The following PEX5L variants were observed in gnomAD, a reference collection of about 807,000 sequenced individuals.
PEX5L encodes PEX5-related protein.
In PEX5L, 30 loss-of-function variants were observed where a neutral mutation model predicts 84.0. That is an observed-to-expected ratio of 0.36 (90% CI 0.27 to 0.48). The LOEUF (loss-of-function observed/expected upper bound fraction) is 0.48. Among genes scored for constraint, PEX5L ranks in the 20% least tolerant of loss-of-function variants. PEX5L has a pLI of 0.99. For synonymous variants in PEX5L, 270 were observed against 283.1 expected, an observed-to-expected ratio of 0.95 and a Z score of 0.46; for missense variants, 533 against 754.6, an observed-to-expected ratio of 0.71 and a Z score of 3.44.
At chr3:179,953,788 C>T (rs746681645) in intron 2 of PEX5L, among the ~76,000 whole-genome samples, 58 of 151,950 alleles carry the variant, frequency 3.8e-4, no homozygotes, top group East Asian at 3.9e-4. Flanking sequence ...CAAACAGCCT[C>T]GCCGATGGAT....
At chr3:179,993,656 C>T (rs555049034) in intron 1 of PEX5L, among the ~76,000 whole-genome samples, 6 of 152,178 alleles carry the variant, frequency 3.9e-5, no homozygotes, top group African/African-American at 1.4e-4. Flanking sequence ...CACACCACCA[C>T]ACCCGGCTAA....
intron 8 of PEX5L, among the ~76,000 whole-genome samples, chr3:179,840,968 A>T (rs1737034390): frequency 6.6e-6 from 1 of 152,210 alleles, no homozygotes. Flanking sequence ...TTGAAAAATC[A>T]GATTAAGAGC....
chr3:179,819,850 A>G lies in PEX5L; in HGVS notation c.939+10T>C, dbSNP rs953714400. 6.2e-7 allele frequency: 1 copy of G among 1,613,244 alleles called. No individual in the cohort carries two copies. On this transcript the variant is annotated intron_variant, in intron 9 of 14. Coordinates refer to ENST00000467460, the MANE Select transcript of PEX5L (RefSeq NM_016559.3). ...AAGTAGTCAGCATGTATAGGAACAG[A>G]ATTGGTTACCTTCTCACTAGCCGAG... is the stretch of plus-strand genomic sequence containing the variant.
At position 179,971,645 on chromosome 3, in the gene PEX5L, A is replaced by T. The variant is rs751949345; in HGVS notation, c.42T>A (p.Tyr14Ter). ...GHMQKSKEQG[Y>*]GKLSSDEDLE... Reference sequence around the variant, plus strand: ...GGTCTTCATCACTGCTTAGTTTTCCATATCCTTGTTCTTTACTTTTCTTGT... The same window carrying T: ...GGTCTTCATCACTGCTTAGTTTTCCTTATCCTTGTTCTTTACTTTTCTTGT... The change falls in exon 2 of 15, where the codon TAT becomes TAA. Residue 14 changes from tyrosine (Y) to a stop codon, truncating the protein, a stop_gained. Transcript: ENST00000467460. LOFTEE classifies it high-confidence loss of function. 1 of 1,607,028 alleles carries T rather than the reference A, an allele frequency of 6.2e-7. No individual in the cohort carries two copies. The highest frequency in any genetic ancestry group is 1.3e-5 in the African/African-American group (1 of 74,820).
At chr3:179,868,391 ATAAC>A (rs1440575016) in intron 7 of PEX5L, among the ~76,000 whole-genome samples, 1 of 152,174 alleles carries the variant, frequency 6.6e-6, no homozygotes, top group Non-Finnish European at 1.5e-5. Flanking sequence ...TATGCGATAA[ATAAC>A]AGCTACTAAG....
chr3:180,011,959 T>C (rs772579439), intron 1 of PEX5L, among the ~76,000 whole-genome samples: 1 of 152,214 alleles, frequency 6.6e-6, no homozygotes, highest in Non-Finnish European at 1.5e-5. Context: ...GATGAAGCCA[T>C]AAAATTCAGT....
At chr3:179,877,673 G>A (rs1752850076) in intron 5 of PEX5L, among the ~76,000 whole-genome samples, 1 of 152,020 alleles carries the variant, frequency 6.6e-6, no homozygotes, top group South Asian at 2.1e-4. Flanking sequence ...GTCCAAGCTG[G>A]TCTCAAACTC....
chr3:179,802,069 C>A (rs1242401897), intron 14 of PEX5L, 37 bp from the exon 15 acceptor site: 1 of 1,416,862 alleles, frequency 7.1e-7, no homozygotes, highest in Admixed American at 1.7e-5. Flanking sequence ...AAATGAGTCA[C>A]ATTTCAGAGT....
At chr3:179,817,845 G>A (rs1726752615) in intron 9 of PEX5L, among the ~76,000 whole-genome samples, 1 of 152,196 alleles carries the variant, frequency 6.6e-6, no homozygotes, top group Admixed American at 6.5e-5. Context: ...GTGGGTATGG[G>A]GTTCTGGGAG....
chr3:179,823,415 T>A (rs1176475756), intron 8 of PEX5L, among the ~76,000 whole-genome samples: 2 of 152,082 alleles, frequency 1.3e-5, no homozygotes, highest in African/African-American at 4.8e-5. Context: ...ATAATCACAA[T>A]AACAGAAAAA....
chr3:179,944,640 CAT>C (rs1777043697), intron 2 of PEX5L, among the ~76,000 whole-genome samples: 2 of 152,186 alleles, frequency 1.3e-5, no homozygotes, highest in Non-Finnish European at 2.9e-5. Context: ...GACCTTATCA[CAT>C]GTTACTGCTA....
At chr3:180,005,208 G>A (rs1205836620) in intron 1 of PEX5L, among the ~76,000 whole-genome samples, 1 of 152,092 alleles carries the variant, frequency 6.6e-6, no homozygotes, top group Non-Finnish European at 1.5e-5. Flanking sequence ...TGCTACTTCT[G>A]AAAATAGCTA....
Position 179,807,111 on chromosome 3 carries a change from G to A in PEX5L, c.1676+563C>T, listed in dbSNP as rs1000928189. Among the ~76,000 whole-genome samples the A allele has an allele frequency of 1.2e-4, 18 of 152,186 alleles. 1 individual carries two copies. Among genetic ancestry groups the A allele is most frequent in the Admixed American group, 1.1e-3 (17 of 15,280 alleles). ...AGAAAGAGAGGACGCAGACCTTAACGACGAAGGACGAGAATGAGAAAGGCA... is the reference window on the plus strand; with the variant it reads ...AGAAAGAGAGGACGCAGACCTTAACAACGAAGGACGAGAATGAGAAAGGCA... On this transcript the variant is annotated intron_variant, in intron 14 of 14. Transcript: ENST00000467460.
In PEX5L at chr3:179,949,920, T is replaced by G. The variant is rs940464256; in HGVS notation, c.93+21674A>C. Among the ~76,000 whole-genome samples the G allele has an allele frequency of 2.6e-5, 4 of 152,332 alleles. No homozygotes were observed. In the East Asian group the frequency reaches 7.7e-4, roughly 29 times the overall value. On this transcript the variant is annotated intron_variant, in intron 2 of 14. Transcript: ENST00000467460. The stretch of plus-strand genomic sequence containing the variant: ...CCCAGTCTGCACACCTGGGTTCAAC[T>G]TTAGTTTCTCTGGAACTCTGTCCTC...
intron 2 of PEX5L, among the ~76,000 whole-genome samples, chr3:179,966,693 A>T (rs1783423627): frequency 6.6e-6 from 1 of 152,178 alleles, no homozygotes; most frequent in South Asian, 2.1e-4. Context: ...ACAGAATTGC[A>T]ATCCAACTTG....
At position 179,797,266 on chromosome 3, in the gene PEX5L, A is replaced by G. The variant is rs1192847636; in HGVS notation, c.*4562T>C. The G allele has an allele frequency of 6.6e-6, 1 of 152,174 alleles. No individual in the cohort carries two copies. Among genetic ancestry groups the G allele is most frequent in the Non-Finnish European group, 1.5e-5 (1 of 68,008 alleles). 9.4% of individuals were successfully genotyped at this position (152,174 alleles called of 1,614,324 possible). ...AACACTGTAGAAACCAGATGTGTGA[A>G]TATCTGTAAAGTTCAGTGTGATAGC... On this transcript the variant is annotated 3_prime_UTR_variant, in exon 15 of 15. Coordinates refer to ENST00000467460, the MANE Select transcript of PEX5L (RefSeq NM_016559.3).
chr3:179,877,314 C>T (rs1037866482), intron 5 of PEX5L, among the ~76,000 whole-genome samples: 7 of 152,088 alleles, frequency 4.6e-5, no homozygotes, highest in African/African-American at 1.7e-4. Context: ...TTGTTTTCAC[C>T]TTTGTACTAT....
chr3:179,950,585 A>G (rs1778832523), intron 2 of PEX5L, among the ~76,000 whole-genome samples: 1 of 152,190 alleles, frequency 6.6e-6, no homozygotes, highest in Non-Finnish European at 1.5e-5. Context: ...ATCTAATAGC[A>G]TCTATTGAGG....
At chr3:180,000,350 T>C (rs1579294239) in intron 1 of PEX5L, among the ~76,000 whole-genome samples, 1 of 152,144 alleles carries the variant, frequency 6.6e-6, no homozygotes, top group Admixed American at 6.5e-5. Context: ...AGAGTATGCA[T>C]GGAATACAGG....
Sources: allele counts gnomAD v4.1 joint callset (sites outside exome capture counted in the v4.1 genomes callset), GRCh38; gene constraint gnomAD v4.1.1; transcripts MANE v1.5; gene names NCBI Gene and HGNC (gene_info 2026-07-23, HGNC 2026-07-21).